PCDHGA2: variants seen among roughly 807,000 people sequenced by gnomAD.
The protein encoded by PCDHGA2 is protocadherin gamma-A2.
PCDHGA2 carries 40 observed loss-of-function variants against 59.2 expected under a neutral mutation model. That is an observed-to-expected ratio of 0.68 (90% CI 0.52 to 0.88). The LOEUF (loss-of-function observed/expected upper bound fraction) is 0.88, where lower values mean the gene tolerates loss of function less well. Among genes scored for constraint, PCDHGA2 ranks in the 40% least tolerant of loss-of-function variants. PCDHGA2 has a pLI of 0.00. For synonymous variants in PCDHGA2, 560 were observed against 526.0 expected (o/e 1.06, Z -0.89); for missense variants, 1,226 against 1,204.0 (o/e 1.02, Z -0.27).
At chr5:141,406,702 A>G (rs1430662433) in intron 1 of PCDHGA2, among the ~76,000 whole-genome samples, 1 of 152,242 alleles carries the variant, frequency 6.6e-6, no homozygotes. Context: ...TCTATAGTAT[A>G]TGCTTGCTCA....
In PCDHGA2 at chr5:141,489,782, A is replaced by C. The variant is rs770399288; in HGVS notation, c.2425-5025A>C. On this transcript the variant is annotated intron_variant, in intron 1 of 3. Coordinates refer to ENST00000394576, the MANE Select transcript of PCDHGA2 (RefSeq NM_018915.4). The surrounding 1 kb of genome is among the most constrained non-coding windows in gnomAD (Gnocchi z 4.5). ...AGCCCCAACAGCCACTTCTCTCTGA[A>C]TGTGAAGACCCTAAAAGATGGGAAG... 2 of 1,614,078 alleles carry C rather than the reference A, an allele frequency of 1.2e-6. No homozygotes were observed. The highest frequency in any genetic ancestry group is 2.2e-5 in the East Asian group (1 of 44,894).
chr5:141,423,170 A>T (rs755141371), intron 1 of PCDHGA2: 1 of 1,613,504 alleles, frequency 6.2e-7, no homozygotes, highest in South Asian at 1.1e-5. Flanking sequence ...GTGGCCGTCC[A>T]GGACCACGGC....
intron 1 of PCDHGA2, chr5:141,478,150 C>T (rs569939900): frequency 6.2e-7 from 1 of 1,614,086 alleles, no homozygotes; most frequent in African/African-American, 1.3e-5. Flanking sequence ...CCGAGTTCCC[C>T]TCTGGCTCTG....
intron 1 of PCDHGA2, chr5:141,345,674 G>C: frequency 6.2e-7 from 1 of 1,614,142 alleles, no homozygotes; most frequent in South Asian, 1.1e-5. Context: ...GCAACGTGTC[G>C]CTGAACCTGT....
chr5:141,343,311 C>A, intron 1 of PCDHGA2: 2 of 975,244 alleles, frequency 2.1e-6, no homozygotes, highest in Non-Finnish European at 2.4e-6. Context: ...TGGCTGATTT[C>A]TGTGTGTTTC....
rs373446844 is a variant in PCDHGA2, at chr5:141,486,661, G to A, written c.2425-8146G>A. The A allele has an allele frequency of 3.1e-6, 5 of 1,613,836 alleles. No individual in the cohort carries two copies. In the African/African-American group the frequency reaches 4.0e-5, roughly 13 times the overall value. On this transcript the variant is annotated intron_variant, in intron 1 of 3. Transcript: ENST00000394576. The surrounding 1 kb of genome is among the most constrained non-coding windows in gnomAD (Gnocchi z 5.0). The stretch of plus-strand genomic sequence containing the variant: ...CGCTTATCTCCTACTCACTCCTGGA[G>A]CCCAGGAATCGAGATGTATCAGCTT...
chr5:141,421,328 A>G (rs1355932974), intron 1 of PCDHGA2: 1 of 1,613,902 alleles, frequency 6.2e-7, no homozygotes. Flanking sequence ...CAGATCCGAT[A>G]TTCGGTGCCA....
At chr5:141,355,314 G>A in intron 1 of PCDHGA2, 1 of 1,613,954 alleles carries the variant, frequency 6.2e-7, no homozygotes, top group Non-Finnish European at 8.5e-7. Flanking sequence ...TGTTTGAGGA[G>A]CAGGAAGAAG....
At position 141,509,907 on chromosome 5, in the gene PCDHGA2, C is replaced by G. The variant is rs149338646; in HGVS notation, c.2573-1040C>G. Among the ~76,000 whole-genome samples, 567 of 152,300 alleles carry G rather than the reference C, an allele frequency of 3.7e-3. 5 individuals carry two copies. Among genetic ancestry groups the G allele is most frequent in the Admixed American group, 0.011 (163 of 15,296 alleles). ...GTGACTGACTGTCCCTTCCAGCATGCGCTTAGGTACACTTGGGCCTGAATG... is the reference window on the plus strand; with the variant it reads ...GTGACTGACTGTCCCTTCCAGCATGGGCTTAGGTACACTTGGGCCTGAATG... On this transcript the variant is annotated intron_variant, in intron 3 of 3. Coordinates refer to ENST00000394576, the MANE Select transcript of PCDHGA2 (RefSeq NM_018915.4).
Position 141,432,473 on chromosome 5 carries a change from T to G in PCDHGA2, c.2425-62334T>G. On this transcript the variant is annotated intron_variant, in intron 1 of 3. Coordinates refer to ENST00000394576, the MANE Select transcript of PCDHGA2 (RefSeq NM_018915.4). The surrounding 1 kb of genome is among the most constrained non-coding windows in gnomAD (Gnocchi z 6.0). ...GTACCCCGCCCTCCCCACGGACGGT[T>G]CCACTGGCGTGGAGCTGGCTCCCCG... 1 of 1,614,180 alleles carries G rather than the reference T, an allele frequency of 6.2e-7. No individual in the cohort carries two copies. The highest frequency in any genetic ancestry group is 1.1e-5 in the South Asian group (1 of 91,078).
chr5:141,393,156 A>G (rs1028021318), intron 1 of PCDHGA2: 7 of 1,613,310 alleles, frequency 4.3e-6, no homozygotes, highest in African/African-American at 1.3e-5. Context: ...GGATAAAGGA[A>G]AACTCTTTGG....
chr5:141,388,432 A>C (rs760022375), intron 1 of PCDHGA2: 1 of 1,613,760 alleles, frequency 6.2e-7, no homozygotes, highest in South Asian at 1.1e-5. Context: ...CTGATAAATA[A>C]AGAGAAATCA....
At chr5:141,421,979 G>C in intron 1 of PCDHGA2, 1 of 1,609,702 alleles carries the variant, frequency 6.2e-7, no homozygotes, top group Non-Finnish European at 8.5e-7. Flanking sequence ...TATCGCGTGA[G>C]TGTTCCAGAA....
chr5:141,444,035 T>C (rs928920813), intron 1 of PCDHGA2, among the ~76,000 whole-genome samples: 1 of 151,694 alleles, frequency 6.6e-6, no homozygotes, highest in Non-Finnish European at 1.5e-5. Context: ...ATTCAGTAAA[T>C]CAGATAATTT....
chr5:141,400,319 C>A lies in PCDHGA2; in HGVS notation c.2424+58924C>A, dbSNP rs762588918. ...TTCCAACCTGGTCTCTGTGTCAAGTCTGGACCTGTGGTTCCCCCCAACTAC... is the reference window on the plus strand; with the variant it reads ...TTCCAACCTGGTCTCTGTGTCAAGTATGGACCTGTGGTTCCCCCCAACTAC... On this transcript the variant is annotated intron_variant, in intron 1 of 3. Coordinates refer to ENST00000394576, the MANE Select transcript of PCDHGA2 (RefSeq NM_018915.4). The A allele has an allele frequency of 4.3e-6, 7 of 1,614,092 alleles. No individual in the cohort carries two copies. In the South Asian group the frequency reaches 7.7e-5, roughly 18 times the overall value.
chr5:141,423,624 T>A (rs756883871), intron 1 of PCDHGA2: 9 of 1,607,038 alleles, frequency 5.6e-6, no homozygotes, highest in African/African-American at 1.3e-5. Flanking sequence ...AAGACTCAGC[T>A]ATCATTTTAG....
intron 1 of PCDHGA2, among the ~76,000 whole-genome samples, chr5:141,348,033 C>CA (rs1758053454): frequency 1.3e-5 from 2 of 152,316 alleles, no homozygotes; most frequent in East Asian, 3.9e-4. Flanking sequence ...TCTCTTCCAA[C>CA]AATGGAATAG....
At chr5:141,385,189 C>A (rs368141492) in intron 1 of PCDHGA2, 696 of 1,614,224 alleles carry the variant, frequency 4.3e-4, no homozygotes, top group Non-Finnish European at 5.4e-4. Flanking sequence ...CGCGGACTCT[C>A]GGAAGAGTCA....
intron 1 of PCDHGA2, chr5:141,372,764 T>C: frequency 6.2e-7 from 1 of 1,612,408 alleles, no homozygotes; most frequent in Non-Finnish European, 8.5e-7. Context: ...GGTTTGAAAG[T>C]AATGACAATC....
Sources: allele counts gnomAD v4.1 joint callset (sites outside exome capture counted in the v4.1 genomes callset), GRCh38; gene constraint gnomAD v4.1.1; non-coding constraint Gnocchi (gnomAD v3.1); transcripts MANE v1.5; gene names NCBI Gene and HGNC (gene_info 2026-07-23, HGNC 2026-07-21).